Variants in GRID2 observed in about 807,000 individuals in gnomAD.
GRID2 encodes glutamate ionotropic receptor delta type subunit 2.
A neutral mutation model predicts 114.8 loss-of-function variants in GRID2; 33 were observed. The observed-to-expected ratio is 0.29, with a 90% CI of 0.22 to 0.38. The LOEUF is 0.38. GRID2 is among the 10% of genes least tolerant of loss of function. The pLI is 1.00. For synonymous variants in GRID2, 505 were observed against 449.9 expected (o/e 1.12, Z -1.55); for missense variants, 1,184 against 1,257.7 (o/e 0.94, Z 0.89).
At chr4:93,205,822 GTT>G (rs1029777409) in intron 4 of GRID2, among the ~76,000 whole-genome samples, 3 of 151,992 alleles carry the variant, frequency 2.0e-5, no homozygotes, top group Admixed American at 6.6e-5. Context: ...AGCACCTGTT[GTT>G]TCCTGACTTT....
chr4:93,520,612 A>C lies in GRID2; in HGVS notation c.2193+5201A>C, dbSNP rs149103609. 7.2e-5 allele frequency among the ~76,000 whole-genome samples: 11 copies of C among 152,170 alleles called. No homozygotes were observed. In the East Asian group the frequency reaches 2.1e-3, roughly 30 times the overall value. On this transcript the variant is annotated intron_variant, in intron 13 of 15. Transcript: ENST00000282020. ...GGTTGCACAGAGAGGGGGTTAGGGG[A>C]TGGAGAGGCAGATGGATATGATCAG...
At chr4:93,694,639 A>C (rs1325093019) in intron 14 of GRID2, among the ~76,000 whole-genome samples, 2 of 152,124 alleles carry the variant, frequency 1.3e-5, no homozygotes, top group Admixed American at 1.3e-4. Context: ...CATATTCTAA[A>C]GTTCATGGTT....
chr4:93,793,422 A>G (rs1393744156), intron 1 of GRID2, among the ~76,000 whole-genome samples: 1 of 152,184 alleles, frequency 6.6e-6, no homozygotes, highest in East Asian at 1.9e-4. Flanking sequence ...CCATTGTTCT[A>G]GAACAATGCC....
intron 1 of GRID2, among the ~76,000 whole-genome samples, chr4:92,504,512 G>A (rs901235219): frequency 6.6e-6 from 1 of 152,012 alleles, no homozygotes; most frequent in Non-Finnish European, 1.5e-5. Context: ...TGGAGTTCCT[G>A]TACCTAATAA....
intron 4 of GRID2, among the ~76,000 whole-genome samples, chr4:93,133,372 TA>T (rs1262623108): frequency 6.6e-6 from 1 of 152,212 alleles, no homozygotes; most frequent in Non-Finnish European, 1.5e-5. Context: ...TTTTGAGCTT[TA>T]ATTTGAGTTT....
At chr4:92,897,263 A>G (rs1329746442) in intron 2 of GRID2, among the ~76,000 whole-genome samples, 1 of 152,068 alleles carries the variant, frequency 6.6e-6, no homozygotes, top group East Asian at 1.9e-4. Flanking sequence ...AATTCTCCCC[A>G]TGTCTCTCTA....
chr4:93,073,792 T>G (rs1469085044), intron 2 of GRID2, among the ~76,000 whole-genome samples: 1 of 152,154 alleles, frequency 6.6e-6, no homozygotes, highest in African/African-American at 2.4e-5. Flanking sequence ...TGGCACATTC[T>G]GGGAGGCAGG....
At chr4:93,380,488 T>A (rs1240148447) in intron 8 of GRID2, among the ~76,000 whole-genome samples, 1 of 151,136 alleles carries the variant, frequency 6.6e-6, no homozygotes, top group African/African-American at 2.4e-5. Context: ...GTTTGCCTTA[T>A]TTTCCAAAGC....
At position 93,597,184 on chromosome 4, in the gene GRID2, A is replaced by G. The variant is rs142861209; in HGVS notation, c.2194-29085A>G. 3.9e-3 allele frequency among the ~76,000 whole-genome samples: 588 copies of G among 152,360 alleles called. 2 individuals carry two copies. Among genetic ancestry groups the G allele is most frequent in the African/African-American group, 0.014 (564 of 41,588 alleles). ...TCATTCAATTAAACAAACAATAACA[A>G]CAAACAATAAGCATATAAGACCTCC... On this transcript the variant is annotated intron_variant, in intron 13 of 15. Coordinates refer to ENST00000282020, the MANE Select transcript of GRID2 (RefSeq NM_001510.4).
intron 8 of GRID2, among the ~76,000 whole-genome samples, chr4:93,262,695 C>T (rs1019467739): frequency 1.3e-5 from 2 of 151,810 alleles, no homozygotes; most frequent in South Asian, 2.1e-4. Context: ...ATTTTACATA[C>T]GTTTTATAAC....
At chr4:92,946,246 T>C (rs1158623430) in intron 2 of GRID2, among the ~76,000 whole-genome samples, 1 of 152,118 alleles carries the variant, frequency 6.6e-6, no homozygotes, top group African/African-American at 2.4e-5. Flanking sequence ...TCTTACAATA[T>C]ATACCTATTC....
At chr4:93,537,443 A>G (rs13128118) in intron 13 of GRID2, among the ~76,000 whole-genome samples, 26,463 of 151,704 alleles carry the variant, frequency 0.17, 2,898 homozygotes, top group Middle Eastern at 0.29. Context: ...GCTATAAAAC[A>G]TGGTAAAAAG....
chr4:93,603,803 T>C (rs1739935832), intron 13 of GRID2, among the ~76,000 whole-genome samples: 1 of 152,158 alleles, frequency 6.6e-6, no homozygotes, highest in African/African-American at 2.4e-5. Flanking sequence ...GTTCTATAAA[T>C]GCAACAACAA....
rs150414531 is a variant in GRID2 at position 92,924,329 on chromosome 4, G to A, written c.245-160666G>A. Reference sequence around the variant, plus strand: ...ACGAGTTAATGGGTTCAGCACACCAGCATGGCACATGTATACATATGTAAC... The same window carrying A: ...ACGAGTTAATGGGTTCAGCACACCAACATGGCACATGTATACATATGTAAC... On this transcript the variant is annotated intron_variant, in intron 2 of 15. Transcript: ENST00000282020. Among the ~76,000 whole-genome samples the A allele has an allele frequency of 1.8e-3, 266 of 151,752 alleles. 5 individuals carry two copies. The East Asian group carries it at 0.026, about 15-fold the overall frequency.
chr4:92,957,621 G>A (rs1752506640), intron 2 of GRID2, among the ~76,000 whole-genome samples: 1 of 150,880 alleles, frequency 6.6e-6, no homozygotes, highest in Non-Finnish European at 1.5e-5. Context: ...CTTTAACATT[G>A]TGCTAGCTAT....
intron 8 of GRID2, among the ~76,000 whole-genome samples, chr4:93,367,428 A>G (rs1184212735): frequency 1.3e-5 from 2 of 152,110 alleles, no homozygotes; most frequent in Non-Finnish European, 2.9e-5. Flanking sequence ...TGACTAATTT[A>G]TTTTTTAAAT....
intron 1 of GRID2, among the ~76,000 whole-genome samples, chr4:92,366,782 T>C (rs994863005): frequency 3.3e-5 from 5 of 151,948 alleles, no homozygotes; most frequent in Admixed American, 2.0e-4. Flanking sequence ...ATTTTTGATA[T>C]TGTAACAAAA....
intron 2 of GRID2, among the ~76,000 whole-genome samples, chr4:92,964,005 T>A (rs1263445841): frequency 6.6e-6 from 1 of 152,020 alleles, no homozygotes; most frequent in African/African-American, 2.4e-5. Flanking sequence ...TAATATTGTT[T>A]TCTGAGCACC....
intron 9 of GRID2, among the ~76,000 whole-genome samples, chr4:93,399,218 C>T (rs978182131): frequency 1.3e-5 from 2 of 152,044 alleles, no homozygotes; most frequent in African/African-American, 2.4e-5. Context: ...CTATTTCCTC[C>T]TTTCTTCTAT....
Sources: gnomAD v4.1 joint callset for allele counts (sites outside exome capture counted in the v4.1 genomes callset) on GRCh38, gnomAD v4.1.1 for gene constraint, MANE v1.5 for transcripts, NCBI Gene and HGNC (gene_info 2026-07-23, HGNC 2026-07-21) for gene names.